FSTL5: variants seen among roughly 807,000 people sequenced by gnomAD.
FSTL5 encodes follistatin like 5, also known as follistatin-related protein 5.
FSTL5 carries 62 observed loss-of-function variants against 89.1 expected under a neutral mutation model. The ratio of observed to expected loss-of-function variants is 0.70; its 90% CI spans 0.57 to 0.86. The LOEUF (loss-of-function observed/expected upper bound fraction) is 0.86. FSTL5 is among the 40% of genes least tolerant of loss of function. The pLI is 0.00. For synonymous variants in FSTL5, 383 were observed against 346.2 expected (o/e 1.11, Z -1.18); for missense variants, 1,057 against 1,001.6 (o/e 1.06, Z -0.75).
chr4:161,402,322 A>G (rs905100258), intron 15 of FSTL5, among the ~76,000 whole-genome samples: 1 of 152,246 alleles, frequency 6.6e-6, no homozygotes, highest in Non-Finnish European at 1.5e-5. Flanking sequence ...ATTATTAATA[A>G]TATAAATTAT....
At chr4:161,887,703 T>C (rs2126918124) in intron 4 of FSTL5, among the ~76,000 whole-genome samples, 1 of 152,310 alleles carries the variant, frequency 6.6e-6, no homozygotes, top group East Asian at 1.9e-4. Context: ...ATACCTTTTG[T>C]TGATCAAATA....
At chr4:161,687,806 G>A (rs561590848) in intron 6 of FSTL5, among the ~76,000 whole-genome samples, 16 of 152,306 alleles carry the variant, frequency 1.1e-4, no homozygotes, top group African/African-American at 3.9e-4. Flanking sequence ...TGGTTAGAAT[G>A]TGTTCCCCAA....
intron 3 of FSTL5, among the ~76,000 whole-genome samples, chr4:161,961,763 A>G (rs952988643): frequency 9.9e-5 from 15 of 151,950 alleles, no homozygotes; most frequent in African/African-American, 3.4e-4. Flanking sequence ...TAAAAATTAT[A>G]AATCCTAGTT....
intron 4 of FSTL5, among the ~76,000 whole-genome samples, chr4:161,822,307 A>G (rs1730518225): frequency 6.6e-6 from 1 of 152,148 alleles, no homozygotes; most frequent in African/African-American, 2.4e-5. Context: ...TTCCGCCCAC[A>G]CAGCCTGGTA....
At chr4:161,633,323 T>TATC (rs1735565374) in intron 7 of FSTL5, among the ~76,000 whole-genome samples, 1 of 146,770 alleles carries the variant, frequency 6.8e-6, no homozygotes, top group Non-Finnish European at 1.5e-5. Flanking sequence ...TTATTATTAT[T>TATC]ATTATACTTT....
At chr4:161,786,104 G>T (rs1338432374) in intron 4 of FSTL5, among the ~76,000 whole-genome samples, 1 of 151,864 alleles carries the variant, frequency 6.6e-6, no homozygotes. Flanking sequence ...GTCTTTATCA[G>T]ATTTAACACC....
At chr4:161,820,228 A>G (rs1206399037) in intron 4 of FSTL5, among the ~76,000 whole-genome samples, 1 of 152,188 alleles carries the variant, frequency 6.6e-6, no homozygotes, top group African/African-American at 2.4e-5. Context: ...GAAGATAAAG[A>G]TTACAGGAAG....
chr4:161,942,281 C>A, intron 3 of FSTL5, among the ~76,000 whole-genome samples: 1 of 144,630 alleles, frequency 6.9e-6, no homozygotes, highest in East Asian at 2.0e-4. Context: ...AAGATTAGGA[C>A]AGTAATAAAT....
At chr4:161,785,795 C>A (rs1263497700) in intron 4 of FSTL5, among the ~76,000 whole-genome samples, 1 of 152,084 alleles carries the variant, frequency 6.6e-6, no homozygotes, top group East Asian at 1.9e-4. Flanking sequence ...AGCTCTGGGA[C>A]TTTTGGCCAG....
At chr4:161,744,910 A>C (rs1290261136) in intron 6 of FSTL5, among the ~76,000 whole-genome samples, 1 of 152,128 alleles carries the variant, frequency 6.6e-6, no homozygotes, top group Non-Finnish European at 1.5e-5. Flanking sequence ...ATGCATTGAA[A>C]AATGGTAAAA....
chr4:161,816,494 A>G (rs1210177760), intron 4 of FSTL5, among the ~76,000 whole-genome samples: 2 of 152,226 alleles, frequency 1.3e-5, no homozygotes, highest in African/African-American at 4.8e-5. Context: ...TCATATAGAG[A>G]CTTCTTTAAA....
intron 2 of FSTL5, among the ~76,000 whole-genome samples, chr4:162,073,537 G>A (rs1266473478): frequency 6.6e-6 from 1 of 151,596 alleles, no homozygotes; most frequent in Non-Finnish European, 1.5e-5. Flanking sequence ...AATGTCTCAA[G>A]AAGCAGAAAA....
chr4:161,848,809 G>T (rs1403943755), intron 4 of FSTL5, among the ~76,000 whole-genome samples: 1 of 152,046 alleles, frequency 6.6e-6, no homozygotes, highest in Non-Finnish European at 1.5e-5. Flanking sequence ...ACCATAAACT[G>T]GTTCTTAATC....
At chr4:161,537,098 T>C (rs1468061376) in intron 10 of FSTL5, among the ~76,000 whole-genome samples, 1 of 152,124 alleles carries the variant, frequency 6.6e-6, no homozygotes, top group African/African-American at 2.4e-5. Flanking sequence ...GATAATGATA[T>C]GCTAGTAGTT....
chr4:161,589,476 C>T (rs1022271493), intron 7 of FSTL5, among the ~76,000 whole-genome samples: 27 of 152,236 alleles, frequency 1.8e-4, no homozygotes, highest in Admixed American at 1.8e-3. Context: ...AGCCACTACG[C>T]CCAGCTAATT....
chr4:161,431,632 G>A (rs1179814186), intron 15 of FSTL5, among the ~76,000 whole-genome samples: 3 of 152,014 alleles, frequency 2.0e-5, no homozygotes, highest in East Asian at 3.9e-4. Flanking sequence ...AACATTGAAT[G>A]TAAATGGACT....
At chr4:161,935,744 T>G (rs965316805) in intron 3 of FSTL5, among the ~76,000 whole-genome samples, 5 of 152,178 alleles carry the variant, frequency 3.3e-5, no homozygotes, top group Admixed American at 3.3e-4. Context: ...GTATCCATTC[T>G]GCCCAATTAA....
At chr4:161,778,608 C>A (rs1741508287) in intron 4 of FSTL5, among the ~76,000 whole-genome samples, 1 of 152,174 alleles carries the variant, frequency 6.6e-6, no homozygotes, top group African/African-American at 2.4e-5. Context: ...TGGTTTTTAG[C>A]AATCCTGTCA....
intron 2 of FSTL5, among the ~76,000 whole-genome samples, chr4:162,077,138 T>C (rs534244762): frequency 2.6e-5 from 4 of 151,938 alleles, no homozygotes; most frequent in South Asian, 2.1e-4. Context: ...AGAAGTCCAA[T>C]ATCAAGGGGC....
Sources: allele counts gnomAD v4.1 joint callset (sites outside exome capture counted in the v4.1 genomes callset), GRCh38; gene constraint gnomAD v4.1.1; transcripts MANE v1.5; gene names NCBI Gene and HGNC (gene_info 2026-07-23, HGNC 2026-07-21).